Variants in CBLB observed in about 807,000 individuals in gnomAD.
CBLB encodes the protein Cbl proto-oncogene B.
In CBLB, 31 loss-of-function variants were observed where a neutral mutation model predicts 104.9. The observed-to-expected ratio is 0.30, with a 90% CI of 0.22 to 0.40. The LOEUF (loss-of-function observed/expected upper bound fraction) is 0.40, where lower values mean the gene tolerates loss of function less well. CBLB is among the 10% of genes least tolerant of loss of function. The pLI is 1.00. For missense variants in CBLB, 1,062 were observed against 1,214.6 expected, an observed-to-expected ratio of 0.87 and a Z score of 1.87; for synonymous variants, 440 against 422.6, an observed-to-expected ratio of 1.04 and a Z score of -0.51.
intron 10 of CBLB, among the ~76,000 whole-genome samples, chr3:105,715,703 C>T (rs1039299755): frequency 6.6e-6 from 1 of 152,188 alleles, no homozygotes; most frequent in African/African-American, 2.4e-5. Context: ...CACTGGCAGT[C>T]ACTCTTTTAA....
At chr3:105,858,492 C>G (rs1270250930) in intron 2 of CBLB, among the ~76,000 whole-genome samples, 2 of 152,140 alleles carry the variant, frequency 1.3e-5, no homozygotes, top group African/African-American at 4.8e-5. Context: ...TAAATTGCTT[C>G]CTAGAATGAA....
intron 9 of CBLB, among the ~76,000 whole-genome samples, chr3:105,730,417 C>T (rs2074188367): frequency 6.6e-6 from 1 of 152,000 alleles, no homozygotes; most frequent in Admixed American, 6.6e-5. Context: ...TTTTCACAAC[C>T]TACAATACTG....
At position 105,776,408 on chromosome 3, in the gene CBLB, A is replaced by C; in HGVS notation, c.554T>G (p.Phe185Cys). The change falls in exon 4 of 19, where the codon TTT becomes TGT. Residue 185 changes from phenylalanine (F) to cysteine (C), a missense_variant. By Grantham distance (205) the Phe-to-Cys change is radical (BLOSUM62 -2). Coordinates refer to ENST00000394030, the MANE Select transcript of CBLB (RefSeq NM_170662.5). ...KADAAEFWRK[F>C]FGDKTIVPWK... ...GATTTTTACTTACTTGTCTCCAAAA[A>C]ACTTTCTCCAGAATTCAGCAGCATC... is the stretch of plus-strand genomic sequence containing the variant. The C allele has an allele frequency of 6.2e-7, 1 of 1,613,626 alleles. No homozygotes were observed.
At chr3:105,864,953 A>C (rs758038370) in intron 2 of CBLB, among the ~76,000 whole-genome samples, 24 of 152,216 alleles carry the variant, frequency 1.6e-4, no homozygotes, top group Non-Finnish European at 4.4e-5. Flanking sequence ...AAGAGGCTTC[A>C]TAAGAAAAAA....
intron 10 of CBLB, among the ~76,000 whole-genome samples, chr3:105,707,198 G>A (rs952742105): frequency 1.3e-5 from 2 of 152,156 alleles, no homozygotes; most frequent in African/African-American, 2.4e-5. Context: ...ACTTCCAGAC[G>A]AGCAGGCTCT....
chr3:105,701,488 C>G (rs1444967919), intron 12 of CBLB, among the ~76,000 whole-genome samples: 1 of 152,190 alleles, frequency 6.6e-6, no homozygotes, highest in African/African-American at 2.4e-5. Flanking sequence ...GCTGGCTGGG[C>G]ACAGTGGCTC....
chr3:105,797,371 C>T (rs1199039671), intron 3 of CBLB, among the ~76,000 whole-genome samples: 1 of 152,090 alleles, frequency 6.6e-6, no homozygotes, highest in African/African-American at 2.4e-5. Context: ...GTTTAGCTCT[C>T]ACTTGATGTT....
chr3:105,827,843 A>G (rs1424575425), intron 3 of CBLB, among the ~76,000 whole-genome samples: 2 of 152,196 alleles, frequency 1.3e-5, no homozygotes, highest in Non-Finnish European at 2.9e-5. Context: ...AACAAGATAT[A>G]GTTAATAATG....
chr3:105,829,485 C>T (rs1378609832), intron 3 of CBLB, among the ~76,000 whole-genome samples: 1 of 151,606 alleles, frequency 6.6e-6, no homozygotes, highest in Non-Finnish European at 1.5e-5. Flanking sequence ...ATGGCGAGAC[C>T]CTGTCTCTAC....
chr3:105,672,662 T>C (rs1276386263), intron 17 of CBLB: 1 of 152,264 alleles, frequency 6.6e-6, no homozygotes, highest in Non-Finnish European at 1.5e-5. Context: ...ATATAAGTGT[T>C]TGAGAAATAA....
intron 3 of CBLB, among the ~76,000 whole-genome samples, chr3:105,836,428 T>C (rs1195755820): frequency 6.6e-6 from 1 of 152,154 alleles, no homozygotes; most frequent in Non-Finnish European, 1.5e-5. Context: ...ACTATCCAGA[T>C]AAATTTTAAA....
At chr3:105,779,370 T>C (rs1397967629) in intron 3 of CBLB, among the ~76,000 whole-genome samples, 1 of 152,222 alleles carries the variant, frequency 6.6e-6, no homozygotes, top group Non-Finnish European at 1.5e-5. Flanking sequence ...TCTATTTTCT[T>C]GCTTCTGCAA....
Position 105,786,065 on chromosome 3 carries a change from G to GC in CBLB, c.420-9524_420-9523insG, listed in dbSNP as rs112142451. On this transcript the variant is annotated intron_variant, in intron 3 of 18. Transcript: ENST00000394030. ...CATAACACTGTGTGAGAGGATCGGG[G>GC]GGGGGAAAGTGGGTAAAATGAAAGT... Among the ~76,000 whole-genome samples the GC allele has an allele frequency of 2.6e-3, 366 of 139,270 alleles. 12 individuals are homozygous for GC. The highest frequency in any genetic ancestry group is 8.0e-3 in the African/African-American group (293 of 36,772). The allele number at this position is 139,270 out of a possible 152,430, so 91.4% of individuals were successfully genotyped here.
chr3:105,753,322 G>A (rs1369824545), intron 4 of CBLB, among the ~76,000 whole-genome samples: 1 of 151,232 alleles, frequency 6.6e-6, no homozygotes, highest in Non-Finnish European at 1.5e-5. Flanking sequence ...ATGCCATTTA[G>A]AAGAAACACA....
At chr3:105,843,899 C>T (rs1312745069) in intron 3 of CBLB, among the ~76,000 whole-genome samples, 1 of 152,160 alleles carries the variant, frequency 6.6e-6, no homozygotes, top group African/African-American at 2.4e-5. Context: ...TATTTGGTCA[C>T]TGTTAGGGAC....
chr3:105,775,085 A>G (rs1344880793), intron 4 of CBLB, among the ~76,000 whole-genome samples: 1 of 152,186 alleles, frequency 6.6e-6, no homozygotes, highest in African/African-American at 2.4e-5. Context: ...TCAGATAAGG[A>G]TAAACTTTTT....
At chr3:105,664,074 C>T (rs762754283) in intron 18 of CBLB, among the ~76,000 whole-genome samples, 1 of 152,086 alleles carries the variant, frequency 6.6e-6, no homozygotes, top group Non-Finnish European at 1.5e-5. Flanking sequence ...CTCCCCTCAT[C>T]ATCTAAAGAT....
intron 6 of CBLB, among the ~76,000 whole-genome samples, chr3:105,743,983 G>A (rs1179152087): frequency 6.6e-6 from 1 of 151,824 alleles, no homozygotes; most frequent in Non-Finnish European, 1.5e-5. Context: ...AGTTTTTTAA[G>A]GTATGACTGA....
chr3:105,754,521 GAC>G (rs1491036406), intron 4 of CBLB, among the ~76,000 whole-genome samples: 3,147 of 84,946 alleles, frequency 0.037, 69 homozygotes, highest in East Asian at 0.22. Context: ...GAGAGAGAGA[GAC>G]AGAGAGAGAG....
Sources: gnomAD v4.1 joint callset for allele counts (sites outside exome capture counted in the v4.1 genomes callset) on GRCh38, gnomAD v4.1.1 for gene constraint, MANE v1.5 for transcripts, NCBI Gene and HGNC (gene_info 2026-07-23, HGNC 2026-07-21) for gene names.